SHC3: variants seen among roughly 807,000 people sequenced by gnomAD.
SHC3 encodes SHC adaptor protein 3.
SHC3 carries 15 observed loss-of-function variants against 60.4 expected under a neutral mutation model. The observed-to-expected ratio is 0.25, with a 90% CI of 0.17 to 0.38. The LOEUF (loss-of-function observed/expected upper bound fraction) is 0.38. Among genes scored for constraint, SHC3 ranks in the 10% least tolerant of loss-of-function variants. SHC3 has a pLI of 1.00. For missense variants in SHC3, 677 were observed against 786.1 expected, an observed-to-expected ratio of 0.86 and a Z score of 1.66; for synonymous variants, 294 against 325.9, an observed-to-expected ratio of 0.90 and a Z score of 1.05.
Position 89,049,810 on chromosome 9 carries a change from C to T in SHC3, c.962+2227G>A, listed in dbSNP as rs564196111. On this transcript the variant is annotated intron_variant, in intron 7 of 11. Coordinates refer to ENST00000375835, the MANE Select transcript of SHC3 (RefSeq NM_016848.6). ...AACTGTGTTCAAATAAGGCAAACGC[C>T]GAGCTGTAACCAATCCAGCTATTTC... Among the ~76,000 whole-genome samples, 3 of 152,322 alleles carry T rather than the reference C, an allele frequency of 2.0e-5. 1 individual carries two copies. Among genetic ancestry groups the T allele is most frequent in the South Asian group, 4.1e-4 (2 of 4,826 alleles).
chr9:89,072,348 A>C (rs1369141846), intron 4 of SHC3, among the ~76,000 whole-genome samples: 4 of 152,124 alleles, frequency 2.6e-5, no homozygotes, highest in African/African-American at 9.7e-5. Context: ...CACACACCAA[A>C]ACATCTCAAC....
chr9:89,036,415 A>G (rs753284475), intron 11 of SHC3, among the ~76,000 whole-genome samples: 1 of 152,204 alleles, frequency 6.6e-6, no homozygotes, highest in South Asian at 2.1e-4. Context: ...TAGCTCAGCC[A>G]TTCTGAAAGC....
In SHC3 at chr9:89,052,205, G is replaced by C. The variant is rs1214840739; in HGVS notation, c.836-42C>G. 1.9e-6 allele frequency: 3 copies of C among 1,609,032 alleles called. No homozygotes were observed. In the Admixed American group the frequency reaches 5.0e-5, roughly 27 times the overall value. ...CATGGGCCTATTAGAGACAGACACT[G>C]GTGCTACCTGGGCTCCTCTACAAAG... On this transcript the variant is annotated intron_variant, in intron 6 of 11. Transcript: ENST00000375835.
chr9:89,052,030 T>C lies in SHC3; in HGVS notation c.962+7A>G. The stretch of plus-strand genomic sequence containing the variant: ...GCTATTGCAAATGGTGTCACAGCAC[T>C]ACTCACCGATCATGGAGAGCGGGAA... On this transcript the variant is annotated splice_region_variant and intron_variant, in intron 7 of 11. Transcript: ENST00000375835. The C allele has an allele frequency of 6.2e-7, 1 of 1,613,288 alleles. No individual in the cohort carries two copies.
At chr9:89,108,872 G>A (rs1018545169) in intron 2 of SHC3, among the ~76,000 whole-genome samples, 5 of 152,142 alleles carry the variant, frequency 3.3e-5, no homozygotes, top group South Asian at 2.1e-4. Context: ...AGTAGAGTTC[G>A]TGCTAACCAC....
intron 1 of SHC3, among the ~76,000 whole-genome samples, chr9:89,154,917 TA>T (rs1433527553): frequency 6.6e-6 from 1 of 152,254 alleles, no homozygotes; most frequent in Admixed American, 6.5e-5. Context: ...GTATTATGGC[TA>T]AAGCCACGTT....
At chr9:89,024,973 C>T (rs1826266958) in intron 11 of SHC3, among the ~76,000 whole-genome samples, 1 of 152,172 alleles carries the variant, frequency 6.6e-6, no homozygotes, top group African/African-American at 2.4e-5. Flanking sequence ...ACAACACCTT[C>T]CACTGCAGAC....
chr9:89,040,107 A>G (rs1196439221), intron 10 of SHC3, among the ~76,000 whole-genome samples: 2 of 146,886 alleles, frequency 1.4e-5, no homozygotes, highest in African/African-American at 5.1e-5. Context: ...CATCATCACC[A>G]CCATCATCAC....
intron 1 of SHC3, among the ~76,000 whole-genome samples, chr9:89,160,785 A>T (rs1473105291): frequency 1.3e-5 from 2 of 152,220 alleles, no homozygotes; most frequent in African/African-American, 4.8e-5. Context: ...ACAGAATTCA[A>T]GGGCCTGCTA....
In SHC3 at chr9:89,012,366, C is replaced by T. The variant is rs544815450; in HGVS notation, c.*1081G>A. 1 of 152,302 alleles carries T rather than the reference C, an allele frequency of 6.6e-6. No homozygotes were observed. Among genetic ancestry groups the T allele is most frequent in the Non-Finnish European group, 1.5e-5 (1 of 68,034 alleles). The allele number at this position is 152,302 out of a possible 1,614,324, so 9.4% of individuals were successfully genotyped here. A position where few individuals can be genotyped will look rare whatever the true frequency, so the allele number is the denominator to read the frequency against. On this transcript the variant is annotated 3_prime_UTR_variant, in exon 12 of 12. Transcript: ENST00000375835. The stretch of plus-strand genomic sequence containing the variant: ...TGGGACAGCAGGCCTTTCCCCCATC[C>T]CTCATGCCAGAGGCAGTACCTCAAA...
intron 1 of SHC3, among the ~76,000 whole-genome samples, chr9:89,147,330 T>C (rs535152889): frequency 2.5e-4 from 38 of 152,232 alleles, no homozygotes; most frequent in Admixed American, 7.8e-4. Flanking sequence ...CTCAGGAAAG[T>C]AGGTAATAAA....
At chr9:89,137,166 G>A (rs1288205996) in intron 1 of SHC3, among the ~76,000 whole-genome samples, 7 of 152,082 alleles carry the variant, frequency 4.6e-5, no homozygotes, top group Non-Finnish European at 1.5e-5. Flanking sequence ...CCAAAATCGG[G>A]ATTACAATTC....
At chr9:89,037,626 G>T in intron 11 of SHC3, 1 of 680,294 alleles carries the variant, frequency 1.5e-6, no homozygotes, top group Admixed American at 2.4e-5. Context: ...AACTTTTCGA[G>T]ATAAGCATTC....
At chr9:89,092,739 GGTGTGT>G (rs150979999) in intron 2 of SHC3, among the ~76,000 whole-genome samples, 8 of 149,190 alleles carry the variant, frequency 5.4e-5, no homozygotes, top group Admixed American at 2.0e-4. Flanking sequence ...AAAGAAGGAA[GGTGTGT>G]GTGTGTGTGT....
At chr9:89,080,168 C>T (rs927366530) in intron 2 of SHC3, among the ~76,000 whole-genome samples, 1 of 152,108 alleles carries the variant, frequency 6.6e-6, no homozygotes. Context: ...TCCATTTGTT[C>T]GTTTAGCAAT....
chr9:89,082,006 A>G (rs559829743), intron 2 of SHC3, among the ~76,000 whole-genome samples: 35 of 152,156 alleles, frequency 2.3e-4, no homozygotes, highest in African/African-American at 8.2e-4. Flanking sequence ...CCAGGCTGGT[A>G]GTACCTTGCA....
chr9:89,170,430 G>A (rs778198304), intron 1 of SHC3, among the ~76,000 whole-genome samples: 19 of 152,206 alleles, frequency 1.2e-4, no homozygotes, highest in South Asian at 2.1e-4. Flanking sequence ...CAGATCACTT[G>A]AGGCCAGGAG....
In SHC3 at chr9:89,009,407, C is replaced by T. The variant is rs1259874142; in HGVS notation, c.*4040G>A. The T allele has an allele frequency of 6.6e-6, 1 of 152,258 alleles. No homozygotes were observed. Among genetic ancestry groups the T allele is most frequent in the Non-Finnish European group, 1.5e-5 (1 of 68,064 alleles). The allele number at this position is 152,258 out of a possible 1,614,324, so 9.4% of individuals were successfully genotyped here. A position where few individuals can be genotyped will look rare whatever the true frequency, so the allele number is the denominator to read the frequency against. ...TCTTTCCACAATCTTCCCACTCACT[C>T]CCAATCCTACTGTCACCGTCCACAG... On this transcript the variant is annotated 3_prime_UTR_variant, in exon 12 of 12. Transcript: ENST00000375835.
chr9:89,054,836 A>G (rs1358416362), intron 6 of SHC3, among the ~76,000 whole-genome samples: 1 of 152,206 alleles, frequency 6.6e-6, no homozygotes, highest in Non-Finnish European at 1.5e-5. Flanking sequence ...ACAGCCTGCA[A>G]TAGTTCATTT....
Sources: allele counts gnomAD v4.1 joint callset (sites outside exome capture counted in the v4.1 genomes callset), GRCh38; gene constraint gnomAD v4.1.1; transcripts MANE v1.5; gene names NCBI Gene and HGNC (gene_info 2026-07-23, HGNC 2026-07-21).